The following ARMC8 variants were observed in gnomAD, a reference collection of about 807,000 sequenced individuals.
ARMC8 encodes armadillo repeat containing 8, also known as armadillo repeat-containing protein 8.
ARMC8 carries 20 observed loss-of-function variants against 99.3 expected under a neutral mutation model. The observed-to-expected ratio is 0.20, with a 90% confidence interval of 0.14 to 0.29. The LOEUF is 0.29. ARMC8 is among the 10% of genes least tolerant of loss of function. The pLI is 1.00. For missense variants in ARMC8, 569 were observed against 809.5 expected (o/e 0.70, Z 3.60); for synonymous variants, 263 against 278.3 (o/e 0.95, Z 0.55).
intron 3 of ARMC8, among the ~76,000 whole-genome samples, chr3:138,222,972 C>T (rs530153784): frequency 4.6e-5 from 7 of 152,208 alleles, no homozygotes; most frequent in East Asian, 1.9e-4. Context: ...CCTATAGGCT[C>T]GATATCTACA....
At chr3:138,281,401 T>A (rs2049915950) in intron 18 of ARMC8, among the ~76,000 whole-genome samples, 1 of 151,622 alleles carries the variant, frequency 6.6e-6, no homozygotes, top group African/African-American at 2.4e-5. Context: ...TAATAGATTC[T>A]CCTGCCTCAG....
At chr3:138,215,065 C>G (rs1186925290) in intron 2 of ARMC8, among the ~76,000 whole-genome samples, 1 of 152,128 alleles carries the variant, frequency 6.6e-6, no homozygotes, top group Admixed American at 6.5e-5. Context: ...AGAATTTGGT[C>G]AGAGAATTCG....
intron 18 of ARMC8, among the ~76,000 whole-genome samples, chr3:138,278,738 G>A (rs970417598): frequency 6.6e-6 from 1 of 152,074 alleles, no homozygotes; most frequent in Non-Finnish European, 1.5e-5. Flanking sequence ...TCTTATAGCA[G>A]TGTTTTGTAG....
intron 19 of ARMC8, among the ~76,000 whole-genome samples, chr3:138,286,864 C>T (rs1030175383): frequency 3.3e-5 from 5 of 152,182 alleles, no homozygotes; most frequent in African/African-American, 1.2e-4. Context: ...CTTACATATC[C>T]GCCTGCCCTT....
intron 6 of ARMC8, among the ~76,000 whole-genome samples, chr3:138,232,488 T>C (rs1188465522): frequency 6.6e-6 from 1 of 152,158 alleles, no homozygotes; most frequent in African/African-American, 2.4e-5. Flanking sequence ...AGAAAGAATA[T>C]GCCATAAATT....
Position 138,206,022 on chromosome 3 carries a change from CAAGT to C in ARMC8, c.46-3792_46-3789del, listed in dbSNP as rs1309941358. The stretch of plus-strand genomic sequence containing the variant: ...GAAGTTGATTTTAATGTTATTTAAA[CAAGT>C]AAAGCAAAATATTATTTCAATATAT... On this transcript the variant is annotated intron_variant, in intron 1 of 21. Coordinates refer to ENST00000469044, the MANE Select transcript of ARMC8 (RefSeq NM_001363941.2). Among the ~76,000 whole-genome samples the C allele has an allele frequency of 2.0e-5, 3 of 152,162 alleles. 1 individual carries two copies. The highest frequency in any genetic ancestry group is 7.2e-5 in the African/African-American group (3 of 41,438).
intron 1 of ARMC8, chr3:138,188,567 ACAAG>A (rs923070120): frequency 6.2e-7 from 1 of 1,613,806 alleles, no homozygotes. Context: ...ATTGTTGGAA[ACAAG>A]CAGGCAAATA....
chr3:138,262,516 G>A lies in ARMC8; in HGVS notation c.1135-1223G>A, dbSNP rs747228775. 2.0e-5 allele frequency: 32 copies of A among 1,609,102 alleles called. No individual in the cohort carries two copies. In the East Asian group the frequency reaches 6.5e-4, roughly 33 times the overall value. ...GTTTTCCACTCTCTCATGTTCTAAGGTCAGACTTCTGAATCCTCTCATTTT... is the reference window on the plus strand; with the variant it reads ...GTTTTCCACTCTCTCATGTTCTAAGATCAGACTTCTGAATCCTCTCATTTT... On this transcript the variant is annotated intron_variant, in intron 12 of 21. Coordinates refer to ENST00000469044, the MANE Select transcript of ARMC8 (RefSeq NM_001363941.2).
rs2046871385 is a variant in ARMC8 at position 138,246,154 on chromosome 3, T to C, written c.1134+971T>C. 3.0e-6 allele frequency: 3 copies of C among 985,708 alleles called. No homozygotes were observed. In the African/African-American group the frequency reaches 5.2e-5, roughly 17 times the overall value. 61.1% of individuals were successfully genotyped at this position (985,708 alleles called of 1,614,324 possible). On this transcript the variant is annotated intron_variant, in intron 12 of 21. Coordinates refer to ENST00000469044, the MANE Select transcript of ARMC8 (RefSeq NM_001363941.2). Reference sequence around the variant, plus strand: ...TGGAACAACCTTACATTTGTTGAAATAACTTGAAAAGGAACCATTTCTTGA... The same window carrying C: ...TGGAACAACCTTACATTTGTTGAAACAACTTGAAAAGGAACCATTTCTTGA...
intron 2 of ARMC8, among the ~76,000 whole-genome samples, chr3:138,210,558 TA>T (rs1305762345): frequency 6.6e-6 from 1 of 152,160 alleles, no homozygotes; most frequent in Non-Finnish European, 1.5e-5. Flanking sequence ...AGGTCTAGAC[TA>T]AGGCTTATCA....
chr3:138,287,791 A>G (rs2050571173), intron 19 of ARMC8: 2 of 406,052 alleles, frequency 4.9e-6, no homozygotes, highest in Non-Finnish European at 1.0e-5. Flanking sequence ...TAGCCTTGAA[A>G]AAACCATTGA....
At chr3:138,192,418 C>T (rs1463265530) in intron 1 of ARMC8, among the ~76,000 whole-genome samples, 2 of 151,904 alleles carry the variant, frequency 1.3e-5, no homozygotes, top group Non-Finnish European at 2.9e-5. Context: ...GCTGGGACTA[C>T]AGGTGCCCGC....
intron 14 of ARMC8, among the ~76,000 whole-genome samples, chr3:138,265,854 A>G (rs1392843222): frequency 6.6e-6 from 1 of 152,162 alleles, no homozygotes; most frequent in Non-Finnish European, 1.5e-5. Flanking sequence ...ATCTAGTGAC[A>G]GAGTATATGA....
intron 7 of ARMC8, among the ~76,000 whole-genome samples, chr3:138,235,604 T>C (rs1165109924): frequency 2.0e-5 from 3 of 152,174 alleles, no homozygotes; most frequent in Non-Finnish European, 4.4e-5. Flanking sequence ...AAGCAAGCAG[T>C]GTCATATTAC....
At chr3:138,245,005 CT>C (rs1425541062) in intron 11 of ARMC8, 82 bp from the exon 12 acceptor site, 18 of 1,487,730 alleles carry the variant, frequency 1.2e-5, no homozygotes, top group Middle Eastern at 2.4e-4. Context: ...AAGTTGTAAA[CT>C]TTTTTTTTCT....
intron 18 of ARMC8, among the ~76,000 whole-genome samples, chr3:138,278,077 A>G (rs1019134427): frequency 4.6e-5 from 7 of 152,236 alleles, no homozygotes; most frequent in Admixed American, 2.0e-4. Context: ...CAGAGAACAA[A>G]TCAAAGGTAT....
intron 5 of ARMC8, among the ~76,000 whole-genome samples, chr3:138,228,340 C>G (rs1380823945): frequency 1.3e-5 from 2 of 152,168 alleles, no homozygotes; most frequent in East Asian, 3.8e-4. Flanking sequence ...TGATTATTTT[C>G]TCTTTTTCTG....
At chr3:138,235,861 G>A (rs925596541) in intron 7 of ARMC8, among the ~76,000 whole-genome samples, 8 of 144,460 alleles carry the variant, frequency 5.5e-5, no homozygotes, top group African/African-American at 2.1e-4. Context: ...GCTGGAGTGC[G>A]GTTGCACGAT....
intron 1 of ARMC8, among the ~76,000 whole-genome samples, chr3:138,194,761 C>T (rs1443483152): frequency 6.6e-6 from 1 of 151,836 alleles, no homozygotes; most frequent in East Asian, 1.9e-4. Context: ...TTGCCTATAG[C>T]TACTTAATGA....
Sources: allele counts gnomAD v4.1 joint callset (sites outside exome capture counted in the v4.1 genomes callset), GRCh38; gene constraint gnomAD v4.1.1; transcripts MANE v1.5; gene names NCBI Gene and HGNC (gene_info 2026-07-23, HGNC 2026-07-21).